ARHGEF18: variants seen among roughly 807,000 people sequenced by gnomAD.
ARHGEF18 encodes the protein Rho/Rac guanine nucleotide exchange factor 18.
Under a neutral mutation model 155.7 loss-of-function variants are expected in ARHGEF18, and 93 were observed. The observed-to-expected ratio is 0.60, with a 90% CI of 0.50 to 0.71. The LOEUF (loss-of-function observed/expected upper bound fraction) is 0.71. Among genes scored for constraint, ARHGEF18 ranks in the 30% least tolerant of loss-of-function variants. ARHGEF18 has a pLI of 0.00. For synonymous variants in ARHGEF18, 742 were observed against 753.1 expected, an observed-to-expected ratio of 0.99 and a Z score of 0.24; for missense variants, 1,593 against 1,816.1, an observed-to-expected ratio of 0.88 and a Z score of 2.23.
intron 3 of ARHGEF18, 78 bp from the exon 4 acceptor site, chr19:7,375,641 CA>C: frequency 8.2e-7 from 1 of 1,223,588 alleles, no homozygotes; most frequent in African/African-American, 1.6e-5. Flanking sequence ...CATGTTCTTT[CA>C]AGCCCCCCTG....
At chr19:7,405,764 C>T (rs1439947194) in intron 10 of ARHGEF18, among the ~76,000 whole-genome samples, 2 of 152,070 alleles carry the variant, frequency 1.3e-5, no homozygotes, top group African/African-American at 4.8e-5. Flanking sequence ...GCATGCACCA[C>T]CACGCCTGGC....
intron 5 of ARHGEF18, 134 bp from the exon 6 acceptor site, chr19:7,378,260 G>C (rs906872810): frequency 1.6e-5 from 9 of 550,554 alleles, no homozygotes; most frequent in Non-Finnish European, 2.2e-5. Context: ...TCTGTTGCCT[G>C]AGAGTACAGG....
At position 7,369,597 on chromosome 19, in the gene ARHGEF18, G is replaced by A. The variant is rs536034491; in HGVS notation, c.16-3215G>A. ...GTGAATCATGAGGTCAGGAGTTCAA[G>A]AGCAGCCTGGCCAAGATGGTGAAAC... On this transcript the variant is annotated intron_variant, in intron 2 of 28. Coordinates refer to ENST00000668164, the MANE Select transcript of ARHGEF18 (RefSeq NM_001367823.1). Among the ~76,000 whole-genome samples, 39 of 152,172 alleles carry A rather than the reference G, an allele frequency of 2.6e-4. No individual in the cohort carries two copies. The South Asian group carries it at 7.3e-3, about 28-fold the overall frequency.
intron 17 of ARHGEF18, among the ~76,000 whole-genome samples, chr19:7,454,165 C>T (rs1184763189): frequency 6.7e-6 from 1 of 148,226 alleles, no homozygotes; most frequent in African/African-American, 2.5e-5. Flanking sequence ...GTTGTGGGCA[C>T]CCTCTTGGAG....
Position 7,468,848 on chromosome 19 carries a change from C to A in ARHGEF18, c.3504C>A (p.Pro1168=). 1.3e-6 allele frequency: 2 copies of A among 1,565,398 alleles called. No individual in the cohort carries two copies. The highest frequency in any genetic ancestry group is 4.7e-5 in the East Asian group (2 of 42,394). ...AGGCCCAGCCCCCAAGCCACCCTCC[C>A]AGCTTCAACGGGGAAGGGCTGGAGG... ...LAEAQPPSHP[P]SFNGEGLEGP... The change falls in exon 27 of 29, where the codon CCC becomes CCA. Residue 1168 remains proline, a synonymous_variant. Transcript: ENST00000668164.
chr19:7,430,602 A>T (rs1973900159), intron 10 of ARHGEF18, among the ~76,000 whole-genome samples: 1 of 151,492 alleles, frequency 6.6e-6, no homozygotes, highest in Non-Finnish European at 1.5e-5. Context: ...CTGGAGTTCG[A>T]GATCAGCCTT....
intron 10 of ARHGEF18, among the ~76,000 whole-genome samples, chr19:7,397,711 C>T (rs146311693): frequency 1.3e-5 from 2 of 149,804 alleles, no homozygotes; most frequent in South Asian, 4.2e-4. Flanking sequence ...CCAGCCTGGG[C>T]AACAGAACGA....
rs34333768 is a variant in ARHGEF18 at position 7,353,451 on chromosome 19, A to G, written c.-111+4210A>G. 4.3e-3 allele frequency among the ~76,000 whole-genome samples: 650 copies of G among 151,864 alleles called. 29 individuals are homozygous for G. The East Asian group carries it at 0.1, about 25-fold the overall frequency. ...TAAGAATACAAAAAATTAGCCAGGCATGGTAGCGGGCGCCTGTAATCCCAG... is the reference window on the plus strand; with the variant it reads ...TAAGAATACAAAAAATTAGCCAGGCGTGGTAGCGGGCGCCTGTAATCCCAG... On this transcript the variant is annotated intron_variant, in intron 1 of 28. Transcript: ENST00000668164.
chr19:7,397,276 T>C (rs1457797370), intron 10 of ARHGEF18, among the ~76,000 whole-genome samples: 1 of 152,020 alleles, frequency 6.6e-6, no homozygotes, highest in African/African-American at 2.4e-5. Context: ...ATTTTTTTTT[T>C]CTTTTTAGAG....
At chr19:7,479,702 A>G in the ARHGEF18 span, among the ~76,000 whole-genome samples, 5,681 of 152,188 alleles carry the variant, frequency 0.037, 379 homozygotes, top group African/African-American at 0.13. Flanking sequence ...CGGGGCACAC[A>G]GGACTTCGAT....
intron 23 of ARHGEF18, among the ~76,000 whole-genome samples, chr19:7,466,412 C>T (rs984269624): frequency 1.5e-5 from 2 of 134,374 alleles, no homozygotes; most frequent in African/African-American, 5.7e-5. Flanking sequence ...TTAAAAATAG[C>T]TGATCCTGGT....
At chr19:7,393,047 C>CAAAAAAAAAAAAAA (rs60015151) in intron 10 of ARHGEF18, among the ~76,000 whole-genome samples, 1 of 56,668 alleles carries the variant, frequency 1.8e-5, no homozygotes, top group Non-Finnish European at 3.4e-5. Context: ...GATCCTGTCT[C>CAAAAAAAAAAAAAA]AAAAAAAAAA....
intron 2 of ARHGEF18, among the ~76,000 whole-genome samples, chr19:7,367,885 T>TCACA (rs1568270390): frequency 6.2e-5 from 1 of 16,088 alleles, no homozygotes; most frequent in Admixed American, 1.2e-3. Flanking sequence ...TATATATATT[T>TCACA]TATATATATT....
In ARHGEF18 at chr19:7,386,836, A is replaced by G. The variant is rs573555698; in HGVS notation, c.967+3633A>G. 5.0e-4 allele frequency among the ~76,000 whole-genome samples: 76 copies of G among 152,132 alleles called. 1 individual carries two copies. Among genetic ancestry groups the G allele is most frequent in the African/African-American group, 1.7e-3 (72 of 41,562 alleles). ...ACTCCTATCAGGGCAGACAGGCTTC[A>G]GTGGCCCCTGTGTGAGCCTGGAAGT... On this transcript the variant is annotated intron_variant, in intron 10 of 28. Transcript: ENST00000668164.
intron 10 of ARHGEF18, among the ~76,000 whole-genome samples, chr19:7,433,507 C>CA (rs35825715): frequency 0.035 from 2,026 of 57,908 alleles, 44 homozygotes; most frequent in Middle Eastern, 0.056. Context: ...ACTCCGTCTC[C>CA]AAAAAAAAAA....
At chr19:7,427,601 C>T (rs890023062) in intron 10 of ARHGEF18, among the ~76,000 whole-genome samples, 3 of 149,978 alleles carry the variant, frequency 2.0e-5, no homozygotes, top group Non-Finnish European at 4.4e-5. Flanking sequence ...GCTATGATCA[C>T]GCCACTGCAC....
At chr19:7,436,040 G>A (rs1055739338) in intron 10 of ARHGEF18, among the ~76,000 whole-genome samples, 4 of 152,070 alleles carry the variant, frequency 2.6e-5, no homozygotes, top group Non-Finnish European at 5.9e-5. Context: ...ATCTCACTGT[G>A]TTGCCCAGAC....
intron 15 of ARHGEF18, among the ~76,000 whole-genome samples, chr19:7,448,099 C>T (rs1038186654): frequency 1.3e-5 from 2 of 152,226 alleles, no homozygotes; most frequent in African/African-American, 4.8e-5. Flanking sequence ...ACCTGCTGAC[C>T]ACCACTTTGT....
intron 1 of ARHGEF18, among the ~76,000 whole-genome samples, chr19:7,356,550 A>G (rs1969315485): frequency 6.6e-6 from 1 of 152,064 alleles, no homozygotes; most frequent in Non-Finnish European, 1.5e-5. Context: ...CTGGGATTAT[A>G]GGTGTGAGCC....
Sources: allele counts gnomAD v4.1 joint callset (sites outside exome capture counted in the v4.1 genomes callset), GRCh38; gene constraint gnomAD v4.1.1; transcripts MANE v1.5; gene names NCBI Gene and HGNC (gene_info 2026-07-23, HGNC 2026-07-21).